The following NLGN1 variants were observed in gnomAD, a reference collection of about 807,000 sequenced individuals.
The protein encoded by NLGN1 is neuroligin 1.
A neutral mutation model predicts 65.5 loss-of-function variants in NLGN1; 12 were observed. The ratio of observed to expected loss-of-function variants is 0.18; its 90% CI spans 0.12 to 0.30. NLGN1 has a LOEUF of 0.30. NLGN1 is among the 10% of genes least tolerant of loss of function. NLGN1 has a pLI of 1.00. For synonymous variants in NLGN1, 350 were observed against 359.5 expected, an observed-to-expected ratio of 0.97 and a Z score of 0.30; for missense variants, 750 against 1,007.1, an observed-to-expected ratio of 0.74 and a Z score of 3.46.
At chr3:174,220,800 G>A (rs11713340) in intron 4 of NLGN1, among the ~76,000 whole-genome samples, 94,016 of 151,918 alleles carry the variant, frequency 0.62, 30,781 homozygotes, top group East Asian at 0.8. Flanking sequence ...GAAATATGTA[G>A]ACAGCAATTA....
chr3:173,755,048 G>A (rs1406258936), intron 3 of NLGN1, among the ~76,000 whole-genome samples: 1 of 152,058 alleles, frequency 6.6e-6, no homozygotes, highest in Non-Finnish European at 1.5e-5. Context: ...GAAGATAATT[G>A]TGTAAGAGAG....
At chr3:174,146,634 C>T (rs1723332095) in intron 4 of NLGN1, among the ~76,000 whole-genome samples, 1 of 149,444 alleles carries the variant, frequency 6.7e-6, no homozygotes, top group Non-Finnish European at 1.5e-5. Context: ...GTGTCGCGAT[C>T]TTGGCTCACT....
At chr3:173,922,380 G>A (rs915760059) in intron 4 of NLGN1, among the ~76,000 whole-genome samples, 1 of 151,958 alleles carries the variant, frequency 6.6e-6, no homozygotes, top group African/African-American at 2.4e-5. Flanking sequence ...AAAATGTGAA[G>A]AGAATTATAT....
At chr3:173,744,830 AT>A (rs35668962) in intron 3 of NLGN1, among the ~76,000 whole-genome samples, 30 of 148,200 alleles carry the variant, frequency 2.0e-4, no homozygotes, top group East Asian at 7.9e-4. Context: ...TTATTTATTT[AT>A]TTTTTTTTTG....
chr3:173,882,572 T>C (rs1372707595), intron 4 of NLGN1, among the ~76,000 whole-genome samples: 7 of 152,256 alleles, frequency 4.6e-5, no homozygotes, highest in African/African-American at 1.7e-4. Flanking sequence ...GTGACTTCTT[T>C]CTTTCAACCT....
At chr3:173,555,558 T>C (rs1424079476) in intron 2 of NLGN1, among the ~76,000 whole-genome samples, 1 of 152,154 alleles carries the variant, frequency 6.6e-6, no homozygotes, top group Non-Finnish European at 1.5e-5. Flanking sequence ...CGGCTCGCTA[T>C]GGCCTCAAAA....
chr3:173,554,797 G>T (rs556630609), intron 2 of NLGN1, among the ~76,000 whole-genome samples: 3 of 152,156 alleles, frequency 2.0e-5, no homozygotes, highest in Non-Finnish European at 2.9e-5. Context: ...TGTAACTACA[G>T]AAATCTCTCA....
At chr3:174,281,322 CTAT>C (rs1751505155) in exon 7 of NLGN1, 2 of 1,536,708 alleles carry the variant, frequency 1.3e-6, no homozygotes, top group Non-Finnish European at 1.8e-6. Flanking sequence ...GAGAAACAAA[CTAT>C]TTTTTTTGAT....
At chr3:173,789,773 A>G (rs996177675) in intron 3 of NLGN1, 10 of 457,234 alleles carry the variant, frequency 2.2e-5, no homozygotes, top group Non-Finnish European at 4.4e-5. Context: ...CACTCCGCCC[A>G]TCCTTCCTTG....
intron 4 of NLGN1, among the ~76,000 whole-genome samples, chr3:174,020,696 A>G (rs1727582284): frequency 6.6e-6 from 1 of 152,170 alleles, no homozygotes; most frequent in Non-Finnish European, 1.5e-5. Flanking sequence ...ATCACTGAAT[A>G]TATTTCAGAG....
intron 3 of NLGN1, among the ~76,000 whole-genome samples, chr3:173,655,691 TA>T (rs1267302030): frequency 6.6e-6 from 1 of 152,046 alleles, no homozygotes; most frequent in Non-Finnish European, 1.5e-5. Context: ...CTTTGTACCC[TA>T]CCTACATCTC....
intron 3 of NLGN1, among the ~76,000 whole-genome samples, chr3:173,747,267 AT>A (rs1265509974): frequency 7.2e-6 from 1 of 138,400 alleles, no homozygotes. Context: ...AAATATATAT[AT>A]CTTTAAGTAT....
intron 4 of NLGN1, among the ~76,000 whole-genome samples, chr3:174,128,022 C>T (rs909648527): frequency 2.0e-5 from 3 of 152,052 alleles, no homozygotes; most frequent in African/African-American, 7.2e-5. Context: ...TCAATGTGTA[C>T]AAAAGTGCCC....
exon 7 of NLGN1, chr3:174,283,944 CA>C (rs1320020299): frequency 2.0e-5 from 3 of 151,372 alleles, no homozygotes; most frequent in African/African-American, 7.3e-5. Flanking sequence ...TGAATACTTT[CA>C]TATGCATTGC....
chr3:173,652,080 C>A (rs1055155702), intron 3 of NLGN1, among the ~76,000 whole-genome samples: 1 of 152,172 alleles, frequency 6.6e-6, no homozygotes, highest in Non-Finnish European at 1.5e-5. Flanking sequence ...AGGTGTGAGC[C>A]ACCATGCCCG....
intron 4 of NLGN1, among the ~76,000 whole-genome samples, chr3:174,271,708 A>T (rs1749435608): frequency 6.6e-6 from 1 of 151,796 alleles, no homozygotes; most frequent in South Asian, 2.1e-4. Context: ...TAGTAGTTCC[A>T]TGTAGGAACC....
At chr3:173,688,530 CAAAT>C (rs1409521298) in intron 3 of NLGN1, among the ~76,000 whole-genome samples, 1 of 152,090 alleles carries the variant, frequency 6.6e-6, no homozygotes, top group Non-Finnish European at 1.5e-5. Context: ...ACACTGGAAT[CAAAT>C]AATATAGCCA....
chr3:173,486,738 C>T (rs1728231718), intron 2 of NLGN1, among the ~76,000 whole-genome samples: 1 of 152,202 alleles, frequency 6.6e-6, no homozygotes, highest in Admixed American at 6.5e-5. Context: ...ATCTCCTGCT[C>T]AAGGTGCAAA....
intron 3 of NLGN1, among the ~76,000 whole-genome samples, chr3:173,640,116 C>G (rs1374712341): frequency 1.3e-5 from 2 of 152,044 alleles, no homozygotes; most frequent in African/African-American, 4.8e-5. Flanking sequence ...TATAATGATG[C>G]ATAATGTACC....
Sources: allele counts gnomAD v4.1 joint callset (sites outside exome capture counted in the v4.1 genomes callset), GRCh38; gene constraint gnomAD v4.1.1; transcripts MANE v1.5; gene names NCBI Gene and HGNC (gene_info 2026-07-23, HGNC 2026-07-21).